The following TNN variants were observed in gnomAD, a reference collection of about 807,000 sequenced individuals.
TNN encodes tenascin N.
In TNN, 122 loss-of-function variants were observed where a neutral mutation model predicts 134.4. The ratio of observed to expected loss-of-function variants is 0.91; its 90% CI spans 0.78 to 1.06. The LOEUF is 1.06. TNN is among the 50% of genes least tolerant of loss of function. The probability of loss-of-function intolerance (pLI) is 0.00; values close to 1 mark genes in which losing one functional copy is unlikely to be tolerated. For missense variants in TNN, 1,739 were observed against 1,699.4 expected (o/e 1.02, Z -0.41); for synonymous variants, 710 against 670.3 (o/e 1.06, Z -0.91).
At chr1:175,121,115 T>A (rs536404770) in intron 11 of TNN, among the ~76,000 whole-genome samples, 1 of 152,320 alleles carries the variant, frequency 6.6e-6, no homozygotes, top group Admixed American at 6.5e-5. Flanking sequence ...AAAATAAAAA[T>A]ATTTTCTCAT....
rs555940740 is a variant in TNN, at chr1:175,136,628, A to G, written c.3428-193A>G. On this transcript the variant is annotated intron_variant, in intron 16 of 18. Transcript: ENST00000239462. ...CCTGCCCCCTTCACTGCTCCCTTCC[A>G]TAGAATGTGGTCTTCGCACTCCTTA... Among the ~76,000 whole-genome samples, 4 of 152,294 alleles carry G rather than the reference A, an allele frequency of 2.6e-5. No homozygotes were observed. In the East Asian group the frequency reaches 5.8e-4, roughly 22 times the overall value.
chr1:175,115,191 G>T (rs1472292046), intron 9 of TNN, among the ~76,000 whole-genome samples: 12 of 152,122 alleles, frequency 7.9e-5, no homozygotes, highest in African/African-American at 2.7e-4. Context: ...TGCTCAGCTT[G>T]GTTGAGGCAC....
chr1:175,145,819 C>T (rs915205820), intron 18 of TNN, among the ~76,000 whole-genome samples: 1 of 152,072 alleles, frequency 6.6e-6, no homozygotes, highest in Non-Finnish European at 1.5e-5. Flanking sequence ...GACTCTTTGA[C>T]AGCTGCGGGG....
chr1:175,097,178 G>A (rs1406259919), intron 7 of TNN, among the ~76,000 whole-genome samples: 1 of 152,176 alleles, frequency 6.6e-6, no homozygotes, highest in Non-Finnish European at 1.5e-5. Flanking sequence ...TCCGGGAAAA[G>A]TTTATAGAGT....
intron 6 of TNN, among the ~76,000 whole-genome samples, chr1:175,085,734 C>T (rs918749848): frequency 7.2e-5 from 11 of 151,982 alleles, no homozygotes; most frequent in East Asian, 5.8e-4. Flanking sequence ...ATAAGCTGGG[C>T]GTGGTGGCGC....
chr1:175,133,486 A>G (rs889514285), intron 15 of TNN, among the ~76,000 whole-genome samples: 3 of 152,240 alleles, frequency 2.0e-5, no homozygotes, highest in African/African-American at 7.2e-5. Flanking sequence ...TCTCATCAGT[A>G]CTTGACACTA....
At chr1:175,073,414 C>A (rs895560979) in intron 1 of TNN, among the ~76,000 whole-genome samples, 1 of 152,004 alleles carries the variant, frequency 6.6e-6, no homozygotes, top group Non-Finnish European at 1.5e-5. Context: ...GCTTCCCACT[C>A]CCCCCATCTT....
chr1:175,078,648 C>T (rs1674111285), intron 2 of TNN, among the ~76,000 whole-genome samples: 1 of 152,114 alleles, frequency 6.6e-6, no homozygotes, highest in Non-Finnish European at 1.5e-5. Context: ...ACTTTGGAAG[C>T]GTTTTTAGGA....
rs960409725 is a variant in TNN at position 175,078,966 on chromosome 1, T to C, written c.410-367T>C. On this transcript the variant is annotated intron_variant, in intron 2 of 18. Transcript: ENST00000239462. ...AGTGTCAGCTGGCCAGGGTGGAGCATTTAAGGCCCCTCCATAGGAAGGCAC... is the reference window on the plus strand; with the variant it reads ...AGTGTCAGCTGGCCAGGGTGGAGCACTTAAGGCCCCTCCATAGGAAGGCAC... Among the ~76,000 whole-genome samples the C allele has an allele frequency of 3.3e-5, 5 of 152,180 alleles. No homozygotes were observed. In the South Asian group the frequency reaches 6.2e-4, roughly 19 times the overall value.
chr1:175,124,406 C>T (rs1175441715), intron 12 of TNN, among the ~76,000 whole-genome samples: 4 of 152,144 alleles, frequency 2.6e-5, no homozygotes, highest in Admixed American at 1.3e-4. Context: ...AACGGCCAGG[C>T]GCGGTGGCTC....
At position 175,123,590 on chromosome 1, in the gene TNN, G is replaced by A. The variant is rs1675435984; in HGVS notation, c.2841G>A (p.Met947Ile). ...TCCTGACGGGCCTGAGACCAGGCAT[G>A]GAGTACATGGTGCACGTGTGGGCCC... is the stretch of plus-strand genomic sequence containing the variant. The part of the protein sequence containing the change: ...STVLTGLRPG[M>I]EYMVHVWAQK... Residue 947 changes from methionine (M) to isoleucine (I), a missense_variant, in exon 12 of 19, where the codon ATG becomes ATA. Coordinates refer to ENST00000239462, the MANE Select transcript of TNN (RefSeq NM_022093.2). The A allele has an allele frequency of 6.2e-7, 1 of 1,613,998 alleles. No individual in the cohort carries two copies. The highest frequency in any genetic ancestry group is 1.3e-5 in the African/African-American group (1 of 74,938).
intron 18 of TNN, among the ~76,000 whole-genome samples, chr1:175,146,708 G>C (rs1676078120): frequency 6.6e-6 from 1 of 151,830 alleles, no homozygotes; most frequent in Non-Finnish European, 1.5e-5. Context: ...AATCGTCCAA[G>C]TCCTCTCAGC....
intron 6 of TNN, among the ~76,000 whole-genome samples, chr1:175,088,938 C>T (rs1674379298): frequency 6.6e-6 from 1 of 152,204 alleles, no homozygotes; most frequent in Non-Finnish European, 1.5e-5. Flanking sequence ...GGTCTGAGAG[C>T]ATTTAATCAC....
intron 18 of TNN, 77 bp downstream of exon 18, chr1:175,144,627 G>A: frequency 6.8e-7 from 1 of 1,460,476 alleles, no homozygotes; most frequent in Non-Finnish European, 9.3e-7. Context: ...CTCCAGGCCA[G>A]TCTGGCAGCC....
In TNN at chr1:175,085,483, A is replaced by G. The variant is rs750035278; in HGVS notation, c.1313A>G (p.Asn438Ser). Reference protein sequence around the residue: ...GELEGKPILLNGRTEIDSPTN... With the variant: ...GELEGKPILLSGRTEIDSPTN... ...CTGGAGGGCAAGCCGATCCTCCTGA[A>G]TGGCAGGACAGGTGAGAGCTACTTG... The change falls in exon 6 of 19, where the codon AAT (asparagine) becomes AGT (serine). Residue 438 changes from asparagine to serine, a missense_variant. Transcript: ENST00000239462. 6.8e-6 allele frequency: 11 copies of G among 1,610,636 alleles called. No homozygotes were observed. Among genetic ancestry groups the G allele is most frequent in the Non-Finnish European group, 9.3e-6 (11 of 1,177,328 alleles).
intron 4 of TNN, 31 bp from the exon 5 acceptor site, chr1:175,083,719 C>A: frequency 2.5e-6 from 4 of 1,605,344 alleles, no homozygotes; most frequent in Non-Finnish European, 3.4e-6. Flanking sequence ...CTCTTCACCA[C>A]TTTCTCTTGC....
At chr1:175,135,763 A>G (rs914947786) in intron 15 of TNN, 82 bp from the exon 16 acceptor site, 24 of 1,102,714 alleles carry the variant, frequency 2.2e-5, no homozygotes, top group Non-Finnish European at 3.3e-5. Flanking sequence ...GCAGTGTATG[A>G]GCAAGCTCTT....
At chr1:175,121,837 G>A (rs1049780208) in intron 11 of TNN, among the ~76,000 whole-genome samples, 6 of 152,156 alleles carry the variant, frequency 3.9e-5, no homozygotes, top group African/African-American at 7.2e-5. Flanking sequence ...AAAAAGTTTG[G>A]GGAGAAGCAT....
At chr1:175,135,796 C>T (rs374302063) in intron 15 of TNN, 49 bp from the exon 16 acceptor site, 2 of 1,456,510 alleles carry the variant, frequency 1.4e-6, no homozygotes, top group African/African-American at 2.8e-5. Context: ...TCTCCCAGCA[C>T]CTATGTCTGT....
Sources: allele counts gnomAD v4.1 joint callset (sites outside exome capture counted in the v4.1 genomes callset), GRCh38; gene constraint gnomAD v4.1.1; transcripts MANE v1.5; gene names NCBI Gene and HGNC (gene_info 2026-07-23, HGNC 2026-07-21).